Variants in ADGRL3 observed in about 807,000 individuals in gnomAD.
The protein encoded by ADGRL3 is calcium-independent alpha-latrotoxin receptor 3.
In ADGRL3, 62 loss-of-function variants were observed where a neutral mutation model predicts 153.5. The ratio of observed to expected loss-of-function variants is 0.40; its 90% CI spans 0.33 to 0.50. The LOEUF (loss-of-function observed/expected upper bound fraction) is 0.50. Ranked by LOEUF, ADGRL3 falls within the 20% of genes least tolerant of loss-of-function variation. ADGRL3 has a pLI of 0.47. For synonymous variants in ADGRL3, 710 were observed against 672.5 expected (o/e 1.06, Z -0.86); for missense variants, 1,641 against 1,859.4 (o/e 0.88, Z 2.16).
intron 1 of ADGRL3, among the ~76,000 whole-genome samples, chr4:61,308,986 G>A (rs1273363170): frequency 6.6e-6 from 1 of 152,008 alleles, no homozygotes; most frequent in African/African-American, 2.4e-5. Context: ...TAATATATAT[G>A]TTTGGCAAGT....
intron 1 of ADGRL3, among the ~76,000 whole-genome samples, chr4:61,356,290 A>G (rs1476916305): frequency 6.6e-6 from 1 of 152,044 alleles, no homozygotes; most frequent in African/African-American, 2.4e-5. Context: ...GCCTTAAGAA[A>G]TCTGTTATGC....
chr4:61,237,393 C>T (rs1753249274), intron 1 of ADGRL3, among the ~76,000 whole-genome samples: 1 of 152,120 alleles, frequency 6.6e-6, no homozygotes, highest in Admixed American at 6.6e-5. Context: ...CTGTATTATG[C>T]TACACAGTGA....
At chr4:61,694,686 T>G (rs994804103) in intron 6 of ADGRL3, among the ~76,000 whole-genome samples, 1 of 152,098 alleles carries the variant, frequency 6.6e-6, no homozygotes, top group Non-Finnish European at 1.5e-5. Context: ...AAAATAACAA[T>G]GAAGTTTGTC....
At chr4:61,433,429 A>T (rs2097401311) in intron 2 of ADGRL3, among the ~76,000 whole-genome samples, 1 of 151,824 alleles carries the variant, frequency 6.6e-6, no homozygotes, top group African/African-American at 2.4e-5. Flanking sequence ...TAAATCTGAT[A>T]GACACTTTAC....
chr4:61,645,305 T>A (rs185443738), intron 5 of ADGRL3, among the ~76,000 whole-genome samples: 81,726 of 151,190 alleles, frequency 0.54, 25,309 homozygotes, highest in Non-Finnish European at 0.73. Context: ...AATATTGTTA[T>A]GTGTGAATTT....
At chr4:62,043,770 G>A (rs1321258669) in intron 24 of ADGRL3, among the ~76,000 whole-genome samples, 1 of 151,954 alleles carries the variant, frequency 6.6e-6, no homozygotes, top group Non-Finnish European at 1.5e-5. Flanking sequence ...TATAATATCT[G>A]ACCCTTAGAA....
chr4:61,646,428 G>T (rs2093988091), intron 5 of ADGRL3, among the ~76,000 whole-genome samples: 1 of 151,754 alleles, frequency 6.6e-6, no homozygotes, highest in East Asian at 1.9e-4. Context: ...ATCTACTTTT[G>T]GTCTTTGATG....
chr4:62,022,259 T>A (rs543954791), intron 21 of ADGRL3, among the ~76,000 whole-genome samples: 1 of 152,290 alleles, frequency 6.6e-6, no homozygotes, highest in South Asian at 2.1e-4. Flanking sequence ...CTAACTCTCT[T>A]CAGTTCTATG....
intron 25 of ADGRL3, among the ~76,000 whole-genome samples, chr4:62,064,802 G>A (rs1380151739): frequency 2.0e-5 from 3 of 151,944 alleles, no homozygotes; most frequent in Non-Finnish European, 4.4e-5. Context: ...AACCATCTGA[G>A]CTTCCCCAGG....
At chr4:61,791,247 C>A (rs1192276988) in intron 8 of ADGRL3, among the ~76,000 whole-genome samples, 2 of 152,184 alleles carry the variant, frequency 1.3e-5, no homozygotes, top group African/African-American at 4.8e-5. Context: ...TTAGTTACTA[C>A]CTAGATACAA....
Position 61,821,455 on chromosome 4 carries a change from C to T in ADGRL3, c.1480+7566C>T, listed in dbSNP as rs540679294. Among the ~76,000 whole-genome samples the T allele has an allele frequency of 8.5e-4, 129 of 151,950 alleles. 3 individuals are homozygous for T. The highest frequency in any genetic ancestry group is 1.7e-3 in the South Asian group (8 of 4,806). On this transcript the variant is annotated intron_variant, in intron 9 of 26. Coordinates refer to ENST00000683033, the MANE Select transcript of ADGRL3 (RefSeq NM_001387552.1). The stretch of plus-strand genomic sequence containing the variant: ...TCGTCTCACCACAACCTCCGCCTCC[C>T]GGGTTCAAGTGATTCTCCTTCCTCA...
intron 5 of ADGRL3, among the ~76,000 whole-genome samples, chr4:61,637,325 G>C (rs1229054543): frequency 1.3e-5 from 2 of 152,038 alleles, no homozygotes; most frequent in Admixed American, 6.6e-5. Flanking sequence ...GCGGAGACCG[G>C]GCTCATGCAG....
intron 1 of ADGRL3, among the ~76,000 whole-genome samples, chr4:61,297,610 G>T (rs1278442390): frequency 1.3e-5 from 2 of 151,106 alleles, no homozygotes; most frequent in Admixed American, 6.6e-5. Flanking sequence ...TTTAATTGAA[G>T]GCACAAGGTA....
chr4:61,744,343 G>C (rs116334045), intron 8 of ADGRL3, among the ~76,000 whole-genome samples: 13,219 of 152,194 alleles, frequency 0.087, 1,214 homozygotes, highest in African/African-American at 0.23. Context: ...CCCTGTTTAA[G>C]AGCTTTGAAG....
intron 21 of ADGRL3, among the ~76,000 whole-genome samples, chr4:62,005,856 TATTA>T: frequency 6.6e-6 from 1 of 150,506 alleles, no homozygotes; most frequent in Middle Eastern, 3.5e-3. Flanking sequence ...TATCCTTGTT[TATTA>T]ATTTATTCAA....
chr4:61,914,430 C>A (rs867223107), intron 13 of ADGRL3, among the ~76,000 whole-genome samples: 4 of 152,116 alleles, frequency 2.6e-5, no homozygotes, highest in South Asian at 4.2e-4. Context: ...TTGGGAATGA[C>A]CCCAAGAAAC....
At chr4:61,917,277 T>C (rs1169122708) in intron 13 of ADGRL3, among the ~76,000 whole-genome samples, 2 of 152,160 alleles carry the variant, frequency 1.3e-5, no homozygotes, top group African/African-American at 4.8e-5. Context: ...GACATATCAT[T>C]AGGTTTATGT....
At chr4:61,767,286 G>A (rs1194197996) in intron 8 of ADGRL3, among the ~76,000 whole-genome samples, 2 of 151,842 alleles carry the variant, frequency 1.3e-5, no homozygotes, top group Non-Finnish European at 2.9e-5. Context: ...AAGGGAACTG[G>A]GCAGGTGGGG....
chr4:61,873,224 A>G (rs2149406504), intron 9 of ADGRL3, among the ~76,000 whole-genome samples: 1 of 152,334 alleles, frequency 6.6e-6, no homozygotes, highest in East Asian at 1.9e-4. Context: ...CACTGGAGGC[A>G]TTGAACATCG....
Sources: allele counts gnomAD v4.1 joint callset (sites outside exome capture counted in the v4.1 genomes callset), GRCh38; gene constraint gnomAD v4.1.1; transcripts MANE v1.5; gene names NCBI Gene and HGNC (gene_info 2026-07-23, HGNC 2026-07-21).